Variants in FLVCR2 observed in about 807,000 individuals in gnomAD.
The protein encoded by FLVCR2 is choline/ethanolamine transporter FLVCR2.
In FLVCR2, 38 loss-of-function variants were observed where a neutral mutation model predicts 48.9. The ratio of observed to expected loss-of-function variants is 0.78; its 90% CI spans 0.60 to 1.02. FLVCR2 has a LOEUF of 1.02. FLVCR2 is among the 50% of genes least tolerant of loss of function. FLVCR2 has a pLI of 0.00. For synonymous variants in FLVCR2, 255 were observed against 257.0 expected (o/e 0.99, Z 0.07); for missense variants, 664 against 663.3 (o/e 1.00, Z -0.01).
intron 3 of FLVCR2, among the ~76,000 whole-genome samples, chr14:75,625,545 T>C (rs1889879972): frequency 6.6e-6 from 1 of 152,014 alleles, no homozygotes; most frequent in African/African-American, 2.4e-5. Flanking sequence ...TAGTTCAAGC[T>C]GCTACATATC....
At position 75,578,944 on chromosome 14, in the gene FLVCR2, T is replaced by C. The variant is rs1466574078; in HGVS notation, c.-29T>C. The C allele has an allele frequency of 6.2e-7, 1 of 1,612,004 alleles. No homozygotes were observed. Among genetic ancestry groups the C allele is most frequent in the African/African-American group, 1.3e-5 (1 of 74,810 alleles). On this transcript the variant is annotated 5_prime_UTR_variant, in exon 1 of 10. Transcript: ENST00000238667. ...TAAGACTGCCGGAGTCCTCACCACT[T>C]CTCCAGGATTCCAGAGGAGACTGTG...
chr14:75,589,844 A>AT (rs1888839596), intron 1 of FLVCR2, among the ~76,000 whole-genome samples: 1 of 152,212 alleles, frequency 6.6e-6, no homozygotes, highest in South Asian at 2.1e-4. Flanking sequence ...GGACCACTTG[A>AT]GCCATGGCTG....
rs562588705 is a variant in FLVCR2 at position 75,647,008 on chromosome 14, C to T, written c.*536C>T. On this transcript the variant is annotated 3_prime_UTR_variant, in exon 10 of 10. Coordinates refer to ENST00000238667, the MANE Select transcript of FLVCR2 (RefSeq NM_017791.3). Reference sequence around the variant, plus strand: ...TTAGAACAACTCCATCAGAACAGCTCCACCGGGACTTGTGGGCCTAAATTT... The same window carrying T: ...TTAGAACAACTCCATCAGAACAGCTTCACCGGGACTTGTGGGCCTAAATTT... 13 of 172,124 alleles carry T rather than the reference C, an allele frequency of 7.6e-5. No individual in the cohort carries two copies. In the East Asian group the frequency reaches 1.7e-3, roughly 23 times the overall value. 10.7% of individuals were successfully genotyped at this position (172,124 alleles called of 1,614,324 possible).
intron 1 of FLVCR2, chr14:75,596,300 T>C (rs1220702190): frequency 2.1e-6 from 1 of 475,116 alleles, no homozygotes; most frequent in Admixed American, 3.3e-5. Flanking sequence ...AGACAAGGGC[T>C]GGGAGCAGAA....
At chr14:75,607,839 G>A (rs1889333856) in intron 1 of FLVCR2, among the ~76,000 whole-genome samples, 2 of 152,182 alleles carry the variant, frequency 1.3e-5, no homozygotes, top group Non-Finnish European at 2.9e-5. Context: ...TAGGGAGGTT[G>A]AGGTGGGAGA....
At position 75,639,440 on chromosome 14, in the gene FLVCR2, T is replaced by A; in HGVS notation, c.1213T>A (p.Phe405Ile). ...TLNLGHLWVV[F>I]ITAGTMGFFM... ...GAACCTGGGACACCTGTGGGTAGTG[T>A]TCATCACTGCTGGCACAATGGGGTA... Residue 405 changes from phenylalanine to isoleucine, a missense_variant, in exon 6 of 10, where the codon TTC becomes ATC. Transcript: ENST00000238667. 6.2e-7 allele frequency: 1 copy of A among 1,612,500 alleles called. No individual in the cohort carries two copies. Among genetic ancestry groups the A allele is most frequent in the Non-Finnish European group, 8.5e-7 (1 of 1,178,496 alleles).
chr14:75,610,718 A>T (rs1889420847), intron 1 of FLVCR2, among the ~76,000 whole-genome samples: 1 of 152,202 alleles, frequency 6.6e-6, no homozygotes, highest in African/African-American at 2.4e-5. Context: ...GTGCTCAATA[A>T]ATACTGAGTG....
At chr14:75,596,178 C>T (rs898690482) in intron 1 of FLVCR2, 7 of 747,930 alleles carry the variant, frequency 9.4e-6, no homozygotes, top group Middle Eastern at 3.7e-4. Flanking sequence ...CATGAACTTT[C>T]TAGTGTGGAT....
At chr14:75,586,805 A>G (rs1358329487) in intron 1 of FLVCR2, among the ~76,000 whole-genome samples, 1 of 151,962 alleles carries the variant, frequency 6.6e-6, no homozygotes, top group East Asian at 1.9e-4. Context: ...TTCGACAAGC[A>G]TTTATCTAGT....
chr14:75,604,776 A>C (rs1018913859), intron 1 of FLVCR2, among the ~76,000 whole-genome samples: 3 of 152,172 alleles, frequency 2.0e-5, no homozygotes, highest in Non-Finnish European at 4.4e-5. Context: ...CTAATGAGTG[A>C]AGTGACCAGG....
At chr14:75,613,580 C>T (rs1889520168) in intron 1 of FLVCR2, among the ~76,000 whole-genome samples, 1 of 152,046 alleles carries the variant, frequency 6.6e-6, no homozygotes, top group African/African-American at 2.4e-5. Flanking sequence ...GAGATGGAGT[C>T]TTGCTCTGTT....
chr14:75,578,910 A>C lies in FLVCR2; in HGVS notation c.-63A>C. 1 of 1,470,718 alleles carries C rather than the reference A, an allele frequency of 6.8e-7. No individual in the cohort carries two copies. Among genetic ancestry groups the C allele is most frequent in the East Asian group, 2.3e-5 (1 of 44,094 alleles). The allele number at this position is 1,470,718 out of a possible 1,614,324, so 91.1% of individuals were successfully genotyped here. A position where few individuals can be genotyped will look rare whatever the true frequency, so the allele number is the denominator to read the frequency against. Reference sequence around the variant, plus strand: ...CAACTCTAAGAGACCAGCAGAGGCCACTGTCCCTTAAGACTGCCGGAGTCC... The same window carrying C: ...CAACTCTAAGAGACCAGCAGAGGCCCCTGTCCCTTAAGACTGCCGGAGTCC... On this transcript the variant is annotated 5_prime_UTR_variant, in exon 1 of 10. Coordinates refer to ENST00000238667, the MANE Select transcript of FLVCR2 (RefSeq NM_017791.3).
chr14:75,583,674 GA>G (rs1005246107), intron 1 of FLVCR2, among the ~76,000 whole-genome samples: 10 of 152,146 alleles, frequency 6.6e-5, no homozygotes, highest in African/African-American at 2.4e-4. Flanking sequence ...GGCAGGTGGG[GA>G]TAACTAAAAA....
intron 9 of FLVCR2, among the ~76,000 whole-genome samples, chr14:75,644,130 G>GT (rs1311219713): frequency 9.4e-6 from 1 of 106,168 alleles, no homozygotes; most frequent in African/African-American, 4.0e-5. Flanking sequence ...GGAACGTGAC[G>GT]TATTATGTCA....
intron 9 of FLVCR2, among the ~76,000 whole-genome samples, chr14:75,643,696 G>A (rs962120810): frequency 3.9e-5 from 6 of 152,174 alleles, no homozygotes; most frequent in African/African-American, 7.2e-5. Flanking sequence ...CTTTCAGCAG[G>A]AATGACATTC....
intron 6 of FLVCR2, among the ~76,000 whole-genome samples, chr14:75,640,258 C>CAAA (rs11453901): frequency 4.3e-4 from 42 of 97,566 alleles, no homozygotes; most frequent in South Asian, 1.2e-3. Flanking sequence ...GACTCCGTCT[C>CAAA]AAAAAAAAAA....
At chr14:75,640,786 C>T (rs185672451) in intron 6 of FLVCR2, 169 bp from the exon 7 acceptor site, 9 of 666,366 alleles carry the variant, frequency 1.4e-5, no homozygotes, top group East Asian at 2.7e-5. Context: ...CAGGGGTGCC[C>T]GTCTCCTTGG....
intron 1 of FLVCR2, among the ~76,000 whole-genome samples, chr14:75,583,917 C>T (rs537013591): frequency 2.6e-5 from 4 of 152,236 alleles, no homozygotes; most frequent in South Asian, 2.1e-4. Context: ...AGGGGGCTTC[C>T]GAGGCGATTG....
chr14:75,608,247 ACT>A (rs1889348356), intron 1 of FLVCR2, among the ~76,000 whole-genome samples: 1 of 151,752 alleles, frequency 6.6e-6, no homozygotes, highest in African/African-American at 2.4e-5. Context: ...ACCGTAGGAG[ACT>A]CTCTCAGAGC....
Sources: gnomAD v4.1 joint callset for allele counts (sites outside exome capture counted in the v4.1 genomes callset) on GRCh38, gnomAD v4.1.1 for gene constraint, MANE v1.5 for transcripts, NCBI Gene and HGNC (gene_info 2026-07-23, HGNC 2026-07-21) for gene names.